Variants in ROBO1 observed in about 807,000 individuals in gnomAD.
ROBO1 encodes the protein roundabout guidance receptor 1.
In ROBO1, 149 loss-of-function variants were observed where a neutral mutation model predicts 195.9. That is an observed-to-expected ratio of 0.76 (90% confidence interval 0.67 to 0.87). The LOEUF (loss-of-function observed/expected upper bound fraction) is 0.87, where lower values mean the gene tolerates loss of function less well. ROBO1 is among the 40% of genes least tolerant of loss of function. The pLI, the probability that ROBO1 is intolerant of heterozygous loss-of-function variation, is 0.00. For missense variants in ROBO1, 1,933 were observed against 2,068.3 expected (o/e 0.93, Z 1.27); for synonymous variants, 816 against 733.2 (o/e 1.11, Z -1.82).
At chr3:79,390,999 T>A (rs1205246116) in intron 2 of ROBO1, among the ~76,000 whole-genome samples, 1 of 151,778 alleles carries the variant, frequency 6.6e-6, no homozygotes, top group Non-Finnish European at 1.5e-5. Context: ...TCTTAATGAG[T>A]TGTTAAAAAC....
intron 1 of ROBO1, among the ~76,000 whole-genome samples, chr3:79,657,546 TA>T (rs1364119634): frequency 4.6e-5 from 7 of 152,022 alleles, no homozygotes; most frequent in African/African-American, 1.7e-4. Context: ...GGGAAATATA[TA>T]AAAATTAATG....
chr3:78,869,092 G>GT (rs571098950), intron 4 of ROBO1, among the ~76,000 whole-genome samples: 10 of 151,878 alleles, frequency 6.6e-5, no homozygotes, highest in African/African-American at 2.2e-4. Flanking sequence ...AAGCATTATA[G>GT]TTTTTTTTAA....
At chr3:78,845,775 G>A (rs2033623652) in intron 4 of ROBO1, among the ~76,000 whole-genome samples, 2 of 152,164 alleles carry the variant, frequency 1.3e-5, no homozygotes, top group Non-Finnish European at 2.9e-5. Flanking sequence ...AGTAGCACAA[G>A]CAGTTGCTCT....
chr3:79,412,609 T>C (rs955798052), intron 2 of ROBO1, among the ~76,000 whole-genome samples: 2 of 152,140 alleles, frequency 1.3e-5, no homozygotes, highest in Admixed American at 1.3e-4. Flanking sequence ...TAAGACATGA[T>C]AAAAATGCCT....
intron 4 of ROBO1, among the ~76,000 whole-genome samples, chr3:78,769,845 C>T (rs1001112101): frequency 6.6e-6 from 1 of 151,982 alleles, no homozygotes; most frequent in African/African-American, 2.4e-5. Flanking sequence ...TGCTTGGTTT[C>T]GCTGGATACA....
intron 4 of ROBO1, among the ~76,000 whole-genome samples, chr3:78,838,975 CAACTATTTTT>C (rs1195314386): frequency 6.6e-6 from 1 of 152,150 alleles, no homozygotes; most frequent in Non-Finnish European, 1.5e-5. Flanking sequence ...GTCATGTTTT[CAACTATTTTT>C]AACTATTACC....
intron 3 of ROBO1, among the ~76,000 whole-genome samples, chr3:79,094,597 A>G (rs1443274913): frequency 6.6e-6 from 1 of 152,184 alleles, no homozygotes; most frequent in Non-Finnish European, 1.5e-5. Flanking sequence ...ATGCTCAAGG[A>G]TAAGTAGTCA....
chr3:79,047,197 A>G (rs1482121972), intron 3 of ROBO1, among the ~76,000 whole-genome samples: 1 of 152,144 alleles, frequency 6.6e-6, no homozygotes, highest in Non-Finnish European at 1.5e-5. Flanking sequence ...TTTATTATGT[A>G]GTGGGAGAAT....
chr3:78,686,046 TCC>T, intron 9 of ROBO1, 129 bp from the exon 10 acceptor site: 4 of 720,094 alleles, frequency 5.6e-6, no homozygotes, highest in Non-Finnish European at 9.0e-6. Flanking sequence ...TGCATATGTA[TCC>T]GTCTATATAC....
At chr3:79,364,904 C>A (rs1411266046) in intron 2 of ROBO1, among the ~76,000 whole-genome samples, 1 of 152,170 alleles carries the variant, frequency 6.6e-6, no homozygotes, top group Non-Finnish European at 1.5e-5. Context: ...CAACAGAACC[C>A]TGAAAGCCAT....
intron 2 of ROBO1, among the ~76,000 whole-genome samples, chr3:79,397,681 A>T (rs1187697477): frequency 6.6e-6 from 1 of 152,202 alleles, no homozygotes; most frequent in East Asian, 1.9e-4. Context: ...AGTACACTTG[A>T]CTAAGCAATG....
At chr3:79,550,195 GGAAAAGAAAAGA>G (rs1942446216) in intron 2 of ROBO1, among the ~76,000 whole-genome samples, 8 of 100,808 alleles carry the variant, frequency 7.9e-5, no homozygotes, top group Non-Finnish European at 1.2e-4. Flanking sequence ...AAGAAAGAAA[GGAAAAGAAAAGA>G]AAAGAAAAGA....
chr3:79,508,800 G>A (rs1165870969), intron 2 of ROBO1, among the ~76,000 whole-genome samples: 1 of 152,148 alleles, frequency 6.6e-6, no homozygotes, highest in African/African-American at 2.4e-5. Flanking sequence ...TTTGTTGGAG[G>A]CTGGTCAAGT....
At position 79,609,474 on chromosome 3, in the gene ROBO1, C is replaced by T. The variant is rs573306168; in HGVS notation, c.-50-19513G>A. Among the ~76,000 whole-genome samples, 3 of 151,958 alleles carry T rather than the reference C, an allele frequency of 2.0e-5. No homozygotes were observed. In the South Asian group the frequency reaches 6.2e-4, roughly 32 times the overall value. ...CCTTAAAATAGTTAAGATAGAATTT[C>T]CACATGATTCAGAAATGCCACTTCT... On this transcript the variant is annotated intron_variant, in intron 1 of 30. Transcript: ENST00000464233.
chr3:79,101,457 T>C, intron 3 of ROBO1, among the ~76,000 whole-genome samples: 1 of 151,824 alleles, frequency 6.6e-6, no homozygotes, highest in East Asian at 1.9e-4. Context: ...ATGATCCGTT[T>C]TGGATGAATT....
intron 2 of ROBO1, among the ~76,000 whole-genome samples, chr3:79,408,969 T>A (rs1270017363): frequency 2.6e-5 from 4 of 152,120 alleles, no homozygotes; most frequent in African/African-American, 9.7e-5. Flanking sequence ...AAAATACACT[T>A]TGAGTTTCTA....
intron 3 of ROBO1, among the ~76,000 whole-genome samples, chr3:79,069,784 C>G (rs1311669443): frequency 6.6e-6 from 1 of 151,812 alleles, no homozygotes; most frequent in Non-Finnish European, 1.5e-5. Context: ...GATCAAAAAT[C>G]TGATAGCAAT....
intron 4 of ROBO1, among the ~76,000 whole-genome samples, chr3:78,855,629 T>C (rs2034366813): frequency 6.6e-6 from 1 of 152,234 alleles, no homozygotes; most frequent in Non-Finnish European, 1.5e-5. Context: ...CTTATTATTA[T>C]GTGTCTTTAA....
intron 4 of ROBO1, among the ~76,000 whole-genome samples, chr3:78,828,286 A>G (rs2031820960): frequency 6.6e-6 from 1 of 152,198 alleles, no homozygotes; most frequent in Non-Finnish European, 1.5e-5. Flanking sequence ...TTAATCTTCC[A>G]GAATGTAGTT....
Sources: gnomAD v4.1 joint callset for allele counts (sites outside exome capture counted in the v4.1 genomes callset) on GRCh38, gnomAD v4.1.1 for gene constraint, MANE v1.5 for transcripts, NCBI Gene and HGNC (gene_info 2026-07-23, HGNC 2026-07-21) for gene names.